The following CSMD1 variants were observed in gnomAD, a reference collection of about 807,000 sequenced individuals.
The protein encoded by CSMD1 is CUB and Sushi multiple domains 1, also known as CUB and sushi domain-containing protein 1.
In CSMD1, 213 loss-of-function variants were observed where a neutral mutation model predicts 417.5. The ratio of observed to expected loss-of-function variants is 0.51; its 90% CI spans 0.46 to 0.57. The LOEUF is 0.57. Among genes scored for constraint, CSMD1 ranks in the 20% least tolerant of loss-of-function variants. CSMD1 has a pLI of 0.00. For missense variants in CSMD1, 6,923 were observed against 4,529.7 expected (o/e 1.53, Z -15.17); for synonymous variants, 2,862 against 1,736.8 (o/e 1.65, Z -16.11).
At chr8:4,236,153 G>A (rs2128818097) in intron 3 of CSMD1, among the ~76,000 whole-genome samples, 1 of 149,896 alleles carries the variant, frequency 6.7e-6, no homozygotes, top group African/African-American at 2.5e-5. Context: ...TTATCAGTAA[G>A]GTCTTCGATC....
At chr8:3,809,632 C>A (rs907309372) in intron 5 of CSMD1, among the ~76,000 whole-genome samples, 2 of 152,054 alleles carry the variant, frequency 1.3e-5, no homozygotes, top group Non-Finnish European at 2.9e-5. Flanking sequence ...TCTCTGGTGG[C>A]GGCTAAGAAT....
chr8:4,604,967 T>C (rs1400003138), intron 2 of CSMD1, among the ~76,000 whole-genome samples: 2 of 152,204 alleles, frequency 1.3e-5, no homozygotes, highest in Non-Finnish European at 2.9e-5. Context: ...TGTGGGTCTA[T>C]GCCAGATACG....
intron 2 of CSMD1, among the ~76,000 whole-genome samples, chr8:4,575,472 T>C (rs1799094168): frequency 6.6e-6 from 1 of 152,186 alleles, no homozygotes; most frequent in African/African-American, 2.4e-5. Context: ...TCTCTGAACG[T>C]TATCTGAAGA....
At chr8:4,431,002 C>G (rs923562417) in intron 2 of CSMD1, among the ~76,000 whole-genome samples, 1 of 152,110 alleles carries the variant, frequency 6.6e-6, no homozygotes, top group African/African-American at 2.4e-5. Context: ...TGCCACTTTT[C>G]TCTGGAAAGA....
At chr8:2,982,085 G>C (rs745531572) in intron 54 of CSMD1, among the ~76,000 whole-genome samples, 5 of 152,168 alleles carry the variant, frequency 3.3e-5, no homozygotes, top group African/African-American at 7.2e-5. Flanking sequence ...GCCAGGTGCG[G>C]TGGCTCACAC....
rs187065118 is a variant in CSMD1, at chr8:4,488,462, T to C, written c.303-68397A>G. Among the ~76,000 whole-genome samples the C allele has an allele frequency of 1.1e-3, 164 of 152,210 alleles. 2 individuals carry two copies. The highest frequency in any genetic ancestry group is 3.8e-3 in the African/African-American group (157 of 41,544). On this transcript the variant is annotated intron_variant, in intron 2 of 69. Coordinates refer to ENST00000635120, the MANE Select transcript of CSMD1 (RefSeq NM_033225.6). ...AGGTGAAGTAGTATGCTCAAATGAA[T>C]ATTCACAAAATAAACTAGTGGTGAC...
intron 5 of CSMD1, among the ~76,000 whole-genome samples, chr8:3,768,748 C>G (rs1049599911): frequency 1.3e-5 from 2 of 152,220 alleles, no homozygotes; most frequent in African/African-American, 2.4e-5. Flanking sequence ...ACGGATGTAT[C>G]CCACATTATT....
At chr8:3,213,641 C>G (rs1055252741) in intron 30 of CSMD1, among the ~76,000 whole-genome samples, 1 of 151,422 alleles carries the variant, frequency 6.6e-6, no homozygotes, top group Non-Finnish European at 1.5e-5. Flanking sequence ...AGTTTTTTCT[C>G]TCTATATATA....
chr8:3,685,192 T>G (rs12545632), intron 7 of CSMD1, among the ~76,000 whole-genome samples: 1 of 152,212 alleles, frequency 6.6e-6, no homozygotes, highest in Non-Finnish European at 1.5e-5. Context: ...AAATCCAAAG[T>G]TGCAAAATTG....
chr8:3,156,141 C>A (rs1339835308), intron 39 of CSMD1, among the ~76,000 whole-genome samples: 1 of 152,166 alleles, frequency 6.6e-6, no homozygotes, highest in East Asian at 1.9e-4. Flanking sequence ...TATTCTGTGG[C>A]CTTTAAAATA....
chr8:4,273,554 A>T (rs995719834), intron 3 of CSMD1, among the ~76,000 whole-genome samples: 1 of 152,196 alleles, frequency 6.6e-6, no homozygotes, highest in South Asian at 2.1e-4. Flanking sequence ...CAGTTAAGCA[A>T]TGAATATATT....
At chr8:4,496,093 G>T (rs1801963550) in intron 2 of CSMD1, among the ~76,000 whole-genome samples, 1 of 152,200 alleles carries the variant, frequency 6.6e-6, no homozygotes, top group African/African-American at 2.4e-5. Context: ...TCAAATTTTG[G>T]CATACATGAG....
At chr8:4,316,694 C>T (rs1180112526) in intron 3 of CSMD1, among the ~76,000 whole-genome samples, 1 of 151,984 alleles carries the variant, frequency 6.6e-6, no homozygotes, top group African/African-American at 2.4e-5. Flanking sequence ...GGGGGGCTTC[C>T]TTTATGTGTT....
chr8:4,501,932 C>A (rs1009196106), intron 2 of CSMD1, among the ~76,000 whole-genome samples: 1 of 151,940 alleles, frequency 6.6e-6, no homozygotes, highest in Non-Finnish European at 1.5e-5. Context: ...GAACATACCC[C>A]CCTAGAATAA....
At chr8:3,683,380 G>A (rs562894994) in intron 7 of CSMD1, among the ~76,000 whole-genome samples, 8 of 151,880 alleles carry the variant, frequency 5.3e-5, no homozygotes, top group African/African-American at 1.9e-4. Context: ...TTTATTCTGG[G>A]CACTGCATCC....
Position 4,448,324 on chromosome 8 carries a change from T to A in CSMD1, c.303-28259A>T, listed in dbSNP as rs570290989. The stretch of plus-strand genomic sequence containing the variant: ...ATTTTGTTTGCCGATCTAGGAGGAT[T>A]TTTAATTTAAAAAGCCTTCTGCACT... On this transcript the variant is annotated intron_variant, in intron 2 of 69. Transcript: ENST00000635120. Among the ~76,000 whole-genome samples, 22 of 152,308 alleles carry A rather than the reference T, an allele frequency of 1.4e-4. No homozygotes were observed. In the East Asian group the frequency reaches 3.7e-3, roughly 25 times the overall value.
At chr8:4,634,227 G>T (rs1005048118) in intron 2 of CSMD1, among the ~76,000 whole-genome samples, 2 of 151,972 alleles carry the variant, frequency 1.3e-5, no homozygotes, top group Non-Finnish European at 2.9e-5. Flanking sequence ...TAATATAAAG[G>T]ATATATTAAT....
At chr8:4,724,304 G>A (rs556615084) in intron 1 of CSMD1, among the ~76,000 whole-genome samples, 2 of 152,078 alleles carry the variant, frequency 1.3e-5, no homozygotes, top group South Asian at 4.1e-4. Context: ...TGTAAACATA[G>A]GGTTATCTAT....
intron 3 of CSMD1, among the ~76,000 whole-genome samples, chr8:4,062,493 A>G (rs561302942): frequency 2.0e-5 from 3 of 152,286 alleles, no homozygotes; most frequent in South Asian, 4.1e-4. Context: ...TAAATAAACA[A>G]TAACCATTCT....
Sources: gnomAD v4.1 joint callset for allele counts (sites outside exome capture counted in the v4.1 genomes callset) on GRCh38, gnomAD v4.1.1 for gene constraint, MANE v1.5 for transcripts, NCBI Gene and HGNC (gene_info 2026-07-23, HGNC 2026-07-21) for gene names.